Variants in NMT1 observed in about 807,000 individuals in gnomAD.
NMT1 encodes glycylpeptide N-tetradecanoyltransferase 1.
A neutral mutation model predicts 63.4 loss-of-function variants in NMT1; 12 were observed. The ratio of observed to expected loss-of-function variants is 0.19; its 90% CI spans 0.12 to 0.31. The LOEUF is 0.31. Among genes scored for constraint, NMT1 ranks in the 10% least tolerant of loss-of-function variants. NMT1 has a pLI of 1.00. For synonymous variants in NMT1, 228 were observed against 234.3 expected (o/e 0.97, Z 0.25); for missense variants, 432 against 634.6 (o/e 0.68, Z 3.43).
At chr17:45,086,784 C>A in intron 3 of NMT1, 132 bp downstream of exon 3, 1 of 951,004 alleles carries the variant, frequency 1.1e-6, no homozygotes, top group Non-Finnish European at 1.5e-6. Context: ...TAGTTGTTTT[C>A]AGAGGGTGGT....
rs1822752379 is a variant in NMT1 at position 45,104,788 on chromosome 17, A to C, written c.1333-71A>C. Reference sequence around the variant, plus strand: ...GCCCACAGGACAGCTTTGAAATGGCAGCAAAGGGGTAGGAAGGAGGCTGTC... The same window carrying C: ...GCCCACAGGACAGCTTTGAAATGGCCGCAAAGGGGTAGGAAGGAGGCTGTC... On this transcript the variant is annotated intron_variant, in intron 10 of 11. Transcript: ENST00000258960. This position sits in a 1 kb window ranked among gnomAD's most constrained non-coding sequence, Gnocchi z 4.2. The C allele has an allele frequency of 6.3e-7, 1 of 1,592,044 alleles. No homozygotes were observed. The highest frequency in any genetic ancestry group is 2.2e-5 in the East Asian group (1 of 44,490).
rs757227703 is a variant in NMT1, at chr17:45,097,143, C to T, written c.612C>T (p.Pro204=). The T allele has an allele frequency of 4.5e-5, 73 of 1,614,074 alleles. No homozygotes were observed. The highest frequency in any genetic ancestry group is 5.8e-5 in the Non-Finnish European group (69 of 1,179,998). ...TCTTTTCCAGGGCTCTCCGGCCACC[C>T]GGCTGGCTCCCCCAGTGGCACTGTG... The part of the protein sequence containing the change: ...PEFLLWALRP[P]GWLPQWHCGV... The change falls in exon 6 of 12, where the codon CCC becomes CCT. Residue 204 remains proline, a synonymous_variant. Transcript: ENST00000258960.
chr17:45,061,680 A>G (rs2053861311), intron 1 of NMT1: 1 of 499,086 alleles, frequency 2.0e-6, no homozygotes, highest in Non-Finnish European at 3.6e-6. Flanking sequence ...TTTATTATAT[A>G]AAAGTTCTAT....
Position 45,077,879 on chromosome 17 carries a change from A to G in NMT1, c.132-3765A>G, listed in dbSNP as rs77307957. 9.1e-3 allele frequency among the ~76,000 whole-genome samples: 1,392 copies of G among 152,286 alleles called. 8 individuals are homozygous for G. The highest frequency in any genetic ancestry group is 0.014 in the Non-Finnish European group (973 of 68,020). Reference sequence around the variant, plus strand: ...GACTTTATGGTTTCTGTTGTTTGCCATGGCCTTGGGGGTTTTGCTGAGCAT... The same window carrying G: ...GACTTTATGGTTTCTGTTGTTTGCCGTGGCCTTGGGGGTTTTGCTGAGCAT... On this transcript the variant is annotated intron_variant, in intron 1 of 11. Coordinates refer to ENST00000258960, the MANE Select transcript of NMT1 (RefSeq NM_021079.5).
intron 8 of NMT1, among the ~76,000 whole-genome samples, chr17:45,102,399 G>A (rs1479834230): frequency 6.6e-6 from 1 of 152,244 alleles, no homozygotes; most frequent in South Asian, 2.1e-4. Context: ...CTGGGAGTAT[G>A]CTGCTTTTCT....
chr17:45,101,456 T>C (rs867527076), intron 8 of NMT1, among the ~76,000 whole-genome samples: 9 of 150,552 alleles, frequency 6.0e-5, no homozygotes, highest in African/African-American at 2.2e-4. Context: ...ACCCTGTCTC[T>C]ACTAAAAACA....
chr17:45,106,692 C>A lies in NMT1; in HGVS notation c.*1053C>A, dbSNP rs1195385529. 4 of 152,754 alleles carry A rather than the reference C, an allele frequency of 2.6e-5. No homozygotes were observed. Among genetic ancestry groups the A allele is most frequent in the African/African-American group, 9.6e-5 (4 of 41,468 alleles). 9.5% of individuals were successfully genotyped at this position (152,754 alleles called of 1,614,324 possible). ...CCCAGACCCCTTCAGCCACCAGCCC[C>A]TGGCCTGTGCCTTCCAACCCATTAG... On this transcript the variant is annotated 3_prime_UTR_variant, in exon 12 of 12. Coordinates refer to ENST00000258960, the MANE Select transcript of NMT1 (RefSeq NM_021079.5).
At chr17:45,089,148 A>AG (rs1315146887) in intron 3 of NMT1, among the ~76,000 whole-genome samples, 1 of 151,946 alleles carries the variant, frequency 6.6e-6, no homozygotes, top group Non-Finnish European at 1.5e-5. Flanking sequence ...CTGAGGCGTC[A>AG]CCCTAGTTCT....
intron 8 of NMT1, 142 bp downstream of exon 8, chr17:45,099,655 T>C (rs1010731957): frequency 1.6e-6 from 1 of 624,864 alleles, no homozygotes; most frequent in Non-Finnish European, 2.9e-6. Flanking sequence ...TCAGATTTCC[T>C]GGACTTTCTA....
At chr17:45,077,208 A>G (rs1206898286) in intron 1 of NMT1, among the ~76,000 whole-genome samples, 1 of 152,218 alleles carries the variant, frequency 6.6e-6, no homozygotes, top group Admixed American at 6.5e-5. Context: ...TTGTAGAATT[A>G]TAAAAAGTTA....
At position 45,085,676 on chromosome 17, in the gene NMT1, A is replaced by G. The variant is rs536849072; in HGVS notation, c.241-832A>G. On this transcript the variant is annotated intron_variant, in intron 2 of 11. Coordinates refer to ENST00000258960, the MANE Select transcript of NMT1 (RefSeq NM_021079.5). ...TGTATTACTTTTGCCATCAAACAACATAAGACTAATAAGGGGAGAAACCCT... is the reference window on the plus strand; with the variant it reads ...TGTATTACTTTTGCCATCAAACAACGTAAGACTAATAAGGGGAGAAACCCT... 2.6e-5 allele frequency among the ~76,000 whole-genome samples: 4 copies of G among 152,334 alleles called. No individual in the cohort carries two copies. In the South Asian group the frequency reaches 8.3e-4, roughly 32 times the overall value.
At chr17:45,079,613 G>A (rs1255568823) in intron 1 of NMT1, among the ~76,000 whole-genome samples, 1 of 152,256 alleles carries the variant, frequency 6.6e-6, no homozygotes, top group African/African-American at 2.4e-5. Context: ...GGTGTGTCAT[G>A]TAGGGGAAAG....
rs770202166 is a variant in NMT1 at position 45,105,029 on chromosome 17, C to T, written c.1470+33C>T. 69 of 1,612,850 alleles carry T rather than the reference C, an allele frequency of 4.3e-5. No individual in the cohort carries two copies. The highest frequency in any genetic ancestry group is 5.4e-5 in the Non-Finnish European group (64 of 1,179,474). On this transcript the variant is annotated intron_variant, in intron 11 of 11. Transcript: ENST00000258960. This position sits in a 1 kb window ranked among gnomAD's most constrained non-coding sequence, Gnocchi z 4.2. Reference sequence around the variant, plus strand: ...ACACATAGCCAGAGTCCAGGCTGCCCGGCCCAGGGTGTCCATGTCTCCAGC... The same window carrying T: ...ACACATAGCCAGAGTCCAGGCTGCCTGGCCCAGGGTGTCCATGTCTCCAGC...
At chr17:45,074,533 T>C (rs2053965685) in intron 1 of NMT1, among the ~76,000 whole-genome samples, 1 of 152,150 alleles carries the variant, frequency 6.6e-6, no homozygotes, top group Non-Finnish European at 1.5e-5. Flanking sequence ...TGACATTTCT[T>C]GATTGCTTTT....
intron 2 of NMT1, among the ~76,000 whole-genome samples, chr17:45,083,335 TA>T (rs34363198): frequency 0.21 from 31,751 of 150,076 alleles, 3,878 homozygotes; most frequent in South Asian, 0.33. Context: ...AAAAAAAAAT[TA>T]AAAAAAAATT....
intron 2 of NMT1, among the ~76,000 whole-genome samples, chr17:45,085,575 T>C (rs1383054011): frequency 3.1e-5 from 1 of 31,952 alleles, no homozygotes; most frequent in East Asian, 8.5e-4. Flanking sequence ...AGATTATATT[T>C]GGGGGATGGG....
chr17:45,069,838 G>A (rs745531515), intron 1 of NMT1, among the ~76,000 whole-genome samples: 2 of 148,006 alleles, frequency 1.4e-5, no homozygotes, highest in Admixed American at 6.9e-5. Context: ...CATTCTAATC[G>A]CACCACTGCA....
At chr17:45,090,398 G>GTCGTTCT (rs1555606611) in intron 3 of NMT1, among the ~76,000 whole-genome samples, 5 of 151,628 alleles carry the variant, frequency 3.3e-5, no homozygotes, top group African/African-American at 1.2e-4. Context: ...TCGAGATCAT[G>GTCGTTCT]TCGTTCTTCT....
intron 1 of NMT1, among the ~76,000 whole-genome samples, chr17:45,077,030 A>C (rs1460707484): frequency 2.0e-5 from 3 of 152,216 alleles, no homozygotes; most frequent in Non-Finnish European, 4.4e-5. Flanking sequence ...TCTCCGCTAA[A>C]TAGGAAGAAC....
Sources: allele counts gnomAD v4.1 joint callset (sites outside exome capture counted in the v4.1 genomes callset), GRCh38; gene constraint gnomAD v4.1.1; non-coding constraint Gnocchi (gnomAD v3.1); transcripts MANE v1.5; gene names NCBI Gene and HGNC (gene_info 2026-07-23, HGNC 2026-07-21).